The following SPATA17 variants were observed in gnomAD, a reference collection of about 807,000 sequenced individuals.
SPATA17 encodes the protein spermatogenesis-associated protein 17.
In SPATA17, 53 loss-of-function variants were observed where a neutral mutation model predicts 62.2. The ratio of observed to expected loss-of-function variants is 0.85; its 90% CI spans 0.68 to 1.07. The LOEUF is 1.07. Ranked by LOEUF, SPATA17 falls within the 50% of genes least tolerant of loss-of-function variation. The pLI is 0.00. For missense variants in SPATA17, 466 were observed against 425.5 expected (o/e 1.10, Z -0.84); for synonymous variants, 146 against 146.8 (o/e 0.99, Z 0.04).
chr1:217,658,758 A>C (rs1023866420), intron 3 of SPATA17, among the ~76,000 whole-genome samples: 2 of 152,222 alleles, frequency 1.3e-5, no homozygotes, highest in Non-Finnish European at 2.9e-5. Context: ...ACTCTATCTC[A>C]AAAAATCATA....
chr1:217,806,490 G>C (rs924649631), intron 9 of SPATA17, among the ~76,000 whole-genome samples: 1 of 152,178 alleles, frequency 6.6e-6, no homozygotes, highest in Non-Finnish European at 1.5e-5. Context: ...TCCTTGAATA[G>C]TGGTCCAGTC....
intron 1 of SPATA17, among the ~76,000 whole-genome samples, chr1:217,634,838 T>C (rs1423345471): frequency 6.6e-6 from 1 of 152,236 alleles, no homozygotes. Flanking sequence ...TCTCTTTCAC[T>C]GTCTCAGTTA....
At chr1:217,742,793 C>T (rs1412812475) in intron 6 of SPATA17, among the ~76,000 whole-genome samples, 2 of 151,818 alleles carry the variant, frequency 1.3e-5, no homozygotes, top group African/African-American at 2.4e-5. Flanking sequence ...TAGCAATTTC[C>T]GGGTTTTTAT....
intron 9 of SPATA17, among the ~76,000 whole-genome samples, chr1:217,808,064 G>A (rs1674482630): frequency 6.6e-6 from 1 of 152,156 alleles, no homozygotes; most frequent in Non-Finnish European, 1.5e-5. Context: ...TTAATAAAGA[G>A]CCATACGTTC....
At chr1:217,766,169 G>T (rs1673295028) in intron 6 of SPATA17, among the ~76,000 whole-genome samples, 1 of 151,750 alleles carries the variant, frequency 6.6e-6, no homozygotes, top group Admixed American at 6.6e-5. Context: ...AGTGATTATT[G>T]ATATTAGTTA....
chr1:217,839,441 T>A (rs1227087184), intron 9 of SPATA17, among the ~76,000 whole-genome samples: 2 of 152,104 alleles, frequency 1.3e-5, no homozygotes, highest in African/African-American at 2.4e-5. Context: ...ATCACTTTTT[T>A]AAACTGATCC....
In SPATA17 at chr1:217,631,461, G is replaced by A. The variant is rs1159750762; in HGVS notation, c.68+15G>A. 1 of 1,613,940 alleles carries A rather than the reference G, an allele frequency of 6.2e-7. No homozygotes were observed. The highest frequency in any genetic ancestry group is 8.5e-7 in the Non-Finnish European group (1 of 1,179,906). On this transcript the variant is annotated intron_variant, in intron 1 of 10. Transcript: ENST00000366933. ...TTTAGGAACAGGTAAGTCAGGAAGA[G>A]AAGGATCGCGTAAAGGGCGGGCGTG...
chr1:217,750,337 C>A (rs1172601394), intron 6 of SPATA17, among the ~76,000 whole-genome samples: 2 of 151,632 alleles, frequency 1.3e-5, no homozygotes, highest in Admixed American at 1.3e-4. Flanking sequence ...GTATAAAGAC[C>A]CAAATGGACA....
chr1:217,658,481 G>C (rs542829875), intron 3 of SPATA17, among the ~76,000 whole-genome samples: 1 of 152,104 alleles, frequency 6.6e-6, no homozygotes, highest in African/African-American at 2.4e-5. Context: ...GTCTGGGGCC[G>C]GGTGTGGAGG....
intron 5 of SPATA17, among the ~76,000 whole-genome samples, chr1:217,696,541 C>A (rs1671466269): frequency 6.6e-6 from 1 of 152,148 alleles, no homozygotes; most frequent in Non-Finnish European, 1.5e-5. Context: ...CTATTTGGTC[C>A]TTTTTAAAAT....
At chr1:217,801,473 A>T (rs931675058) in intron 8 of SPATA17, among the ~76,000 whole-genome samples, 6 of 152,234 alleles carry the variant, frequency 3.9e-5, no homozygotes, top group African/African-American at 1.4e-4. Flanking sequence ...TATATAAAAT[A>T]CTTGAGACTC....
chr1:217,684,094 T>C (rs1671163471), intron 5 of SPATA17, among the ~76,000 whole-genome samples: 4 of 152,194 alleles, frequency 2.6e-5, no homozygotes, highest in Admixed American at 2.0e-4. Context: ...AAAAGGTCTG[T>C]TCACTGTCAG....
intron 7 of SPATA17, among the ~76,000 whole-genome samples, chr1:217,781,003 G>T (rs989865606): frequency 6.6e-6 from 1 of 151,924 alleles, no homozygotes; most frequent in African/African-American, 2.4e-5. Flanking sequence ...TTGGAATCAT[G>T]TTACTGTATC....
chr1:217,709,881 T>C (rs1031164493), intron 5 of SPATA17, among the ~76,000 whole-genome samples: 1 of 152,248 alleles, frequency 6.6e-6, no homozygotes, highest in Non-Finnish European at 1.5e-5. Flanking sequence ...TTGAGGCAAT[T>C]ATGACTTATC....
Position 217,773,064 on chromosome 1 carries a change from T to C in SPATA17, c.520-1270T>C, listed in dbSNP as rs553791731. 2.6e-5 allele frequency among the ~76,000 whole-genome samples: 4 copies of C among 152,232 alleles called. No homozygotes were observed. The East Asian group carries it at 7.7e-4, about 29-fold the overall frequency. ...TGCATTTGGGATAGGACGTTGCATT[T>C]GGAATAGGATATTGCATTTGGGATA... On this transcript the variant is annotated intron_variant, in intron 6 of 10. Coordinates refer to ENST00000366933, the MANE Select transcript of SPATA17 (RefSeq NM_138796.4).
intron 5 of SPATA17, among the ~76,000 whole-genome samples, chr1:217,684,205 C>CT (rs1177093613): frequency 6.6e-6 from 1 of 152,158 alleles, no homozygotes; most frequent in Non-Finnish European, 1.5e-5. Flanking sequence ...ACTCAGCCAG[C>CT]TTTTCCAAAG....
chr1:217,643,427 TC>T (rs1262116985), intron 1 of SPATA17, among the ~76,000 whole-genome samples: 1 of 152,022 alleles, frequency 6.6e-6, no homozygotes, highest in Non-Finnish European at 1.5e-5. Flanking sequence ...TTTTTCATCT[TC>T]CCTCTACACC....
chr1:217,856,791 T>C (rs1025777865), intron 9 of SPATA17, among the ~76,000 whole-genome samples: 4 of 152,216 alleles, frequency 2.6e-5, no homozygotes, highest in African/African-American at 9.7e-5. Flanking sequence ...TTGTCAGAAC[T>C]GTAGAGATCC....
Position 217,680,536 on chromosome 1 carries a change from T to A in SPATA17, c.292-2722T>A, listed in dbSNP as rs142730321. Among the ~76,000 whole-genome samples the A allele has an allele frequency of 2.4e-3, 371 of 152,312 alleles. 1 individual carries two copies. Among genetic ancestry groups the A allele is most frequent in the African/African-American group, 8.3e-3 (344 of 41,582 alleles). On this transcript the variant is annotated intron_variant, in intron 4 of 10. Coordinates refer to ENST00000366933, the MANE Select transcript of SPATA17 (RefSeq NM_138796.4). ...AATTTTAGAATTTTTTTTTAAAGAA[T>A]TGATCTGGCAAATAAGATCACTTGA...
Sources: allele counts gnomAD v4.1 joint callset (sites outside exome capture counted in the v4.1 genomes callset), GRCh38; gene constraint gnomAD v4.1.1; transcripts MANE v1.5; gene names NCBI Gene and HGNC (gene_info 2026-07-23, HGNC 2026-07-21).